Variants in UNC13C observed in about 807,000 individuals in gnomAD.
The protein encoded by UNC13C is unc-13 homolog C, also known as protein unc-13 homolog C.
Under a neutral mutation model 245.4 loss-of-function variants are expected in UNC13C, and 174 were observed. The ratio of observed to expected loss-of-function variants is 0.71; its 90% CI spans 0.63 to 0.80. The LOEUF (loss-of-function observed/expected upper bound fraction) is 0.80. UNC13C is among the 30% of genes least tolerant of loss of function. The pLI is 0.00. For missense variants in UNC13C, 2,829 were observed against 2,602.9 expected (o/e 1.09, Z -1.89); for synonymous variants, 992 against 895.1 (o/e 1.11, Z -1.93).
At chr15:54,194,478 G>T (rs1184262889) in intron 4 of UNC13C, among the ~76,000 whole-genome samples, 3 of 152,108 alleles carry the variant, frequency 2.0e-5, no homozygotes, top group Non-Finnish European at 4.4e-5. Context: ...AATATTAAAA[G>T]ACAGTGTTAA....
At chr15:54,304,938 A>G (rs1274525480) in intron 13 of UNC13C, among the ~76,000 whole-genome samples, 3 of 152,116 alleles carry the variant, frequency 2.0e-5, no homozygotes, top group Admixed American at 2.0e-4. Context: ...ATACAAAAAT[A>G]TACGTGTACT....
intron 4 of UNC13C, among the ~76,000 whole-genome samples, chr15:54,150,446 A>G (rs546971790): frequency 4.3e-4 from 65 of 152,364 alleles, no homozygotes; most frequent in African/African-American, 1.5e-3. Context: ...GTCCTCACGC[A>G]GAGCAAGCAC....
intron 10 of UNC13C, among the ~76,000 whole-genome samples, chr15:54,292,850 C>T (rs964878801): frequency 3.4e-5 from 5 of 149,102 alleles, no homozygotes; most frequent in African/African-American, 1.2e-4. Flanking sequence ...TGATCTCTTC[C>T]TCTCTCTATA....
In UNC13C at chr15:54,200,825, C is replaced by T. The variant is rs117398243; in HGVS notation, c.3072-34205C>T. On this transcript the variant is annotated intron_variant, in intron 4 of 32. Coordinates refer to ENST00000260323, the MANE Select transcript of UNC13C (RefSeq NM_001080534.3). ...AGAAAATACATAACAAAGATCAGAG[C>T]AGAACTAAATGAAACTGAAACAAAC... is the stretch of plus-strand genomic sequence containing the variant. Among the ~76,000 whole-genome samples the T allele has an allele frequency of 6.0e-3, 915 of 151,884 alleles. 52 individuals carry two copies. The East Asian group carries it at 0.11, about 18-fold the overall frequency.
intron 30 of UNC13C, among the ~76,000 whole-genome samples, chr15:54,597,160 T>C (rs1457307078): frequency 6.6e-6 from 1 of 152,168 alleles, no homozygotes; most frequent in East Asian, 1.9e-4. Flanking sequence ...AATCTAATGC[T>C]GGCTGTTGTG....
In UNC13C at chr15:54,605,479, G is replaced by A. The variant is rs150532111; in HGVS notation, c.6107-16848G>A. Among the ~76,000 whole-genome samples the A allele has an allele frequency of 5.2e-3, 787 of 152,198 alleles. 1 individual carries two copies. The highest frequency in any genetic ancestry group is 0.01 in the Middle Eastern group (3 of 294). Reference sequence around the variant, plus strand: ...GTCTTGCTTTGGAGCCCCCATACTTGTAGGTCTTAACCTTGGCTGCATATC... The same window carrying A: ...GTCTTGCTTTGGAGCCCCCATACTTATAGGTCTTAACCTTGGCTGCATATC... On this transcript the variant is annotated intron_variant, in intron 30 of 32. Coordinates refer to ENST00000260323, the MANE Select transcript of UNC13C (RefSeq NM_001080534.3).
chr15:54,367,649 C>A (rs1033866775), intron 17 of UNC13C, among the ~76,000 whole-genome samples: 1 of 152,122 alleles, frequency 6.6e-6, no homozygotes, highest in Non-Finnish European at 1.5e-5. Flanking sequence ...AATGATCCAA[C>A]AAATTATAGC....
At chr15:54,113,009 G>T (rs1241736564) in intron 2 of UNC13C, among the ~76,000 whole-genome samples, 2 of 152,120 alleles carry the variant, frequency 1.3e-5, no homozygotes, top group Non-Finnish European at 2.9e-5. Flanking sequence ...AGTAAATAGT[G>T]TTTTTCAGGT....
intron 2 of UNC13C, among the ~76,000 whole-genome samples, chr15:54,068,476 T>C (rs990249591): frequency 2.6e-5 from 4 of 152,162 alleles, no homozygotes; most frequent in African/African-American, 9.7e-5. Context: ...CACATCCATT[T>C]GTTTACATAT....
intron 19 of UNC13C, among the ~76,000 whole-genome samples, chr15:54,456,989 T>C (rs1891566618): frequency 6.6e-6 from 1 of 152,120 alleles, no homozygotes; most frequent in Non-Finnish European, 1.5e-5. Flanking sequence ...AACTTTTCCA[T>C]GTTCAGTATA....
chr15:53,960,921 T>C, the UNC13C span, among the ~76,000 whole-genome samples: 1 of 152,222 alleles, frequency 6.6e-6, no homozygotes, highest in Non-Finnish European at 1.5e-5. Context: ...TAAATTATTC[T>C]TAGGTAATGG....
chr15:54,621,859 G>C (rs1382382062), intron 30 of UNC13C, among the ~76,000 whole-genome samples: 1 of 152,072 alleles, frequency 6.6e-6, no homozygotes, highest in African/African-American at 2.4e-5. Flanking sequence ...ATAAATTGTT[G>C]TAATATATTT....
In UNC13C at chr15:54,143,607, C is replaced by G; in HGVS notation, c.3007-13C>G. 1.9e-6 allele frequency: 3 copies of G among 1,611,774 alleles called. No individual in the cohort carries two copies. Among genetic ancestry groups the G allele is most frequent in the Non-Finnish European group, 2.5e-6 (3 of 1,178,348 alleles). On this transcript the variant is annotated splice_polypyrimidine_tract_variant and intron_variant, in intron 3 of 32. Transcript: ENST00000260323. ...GCCTGTTTGTTTTGTTTTTCTCTTA[C>G]TCTTCATTTAAGGCTCGAATAGTAA...
intron 28 of UNC13C, among the ~76,000 whole-genome samples, chr15:54,550,657 C>T (rs1439633147): frequency 6.6e-6 from 1 of 152,130 alleles, no homozygotes; most frequent in African/African-American, 2.4e-5. Flanking sequence ...ACCAGTAATC[C>T]ATCTGGAAGA....
At chr15:54,260,288 A>C (rs1489104392) in intron 8 of UNC13C, among the ~76,000 whole-genome samples, 1 of 152,124 alleles carries the variant, frequency 6.6e-6, no homozygotes, top group Non-Finnish European at 1.5e-5. Context: ...ACTACAAATC[A>C]GGTTTGGGTT....
chr15:54,055,056 TA>T (rs1468749168), intron 2 of UNC13C, among the ~76,000 whole-genome samples: 1 of 152,184 alleles, frequency 6.6e-6, no homozygotes, highest in Non-Finnish European at 1.5e-5. Flanking sequence ...GGCATTATTA[TA>T]GGGGTCAAGC....
At chr15:54,444,362 A>G (rs189222965) in intron 19 of UNC13C, among the ~76,000 whole-genome samples, 17 of 150,004 alleles carry the variant, frequency 1.1e-4, no homozygotes, top group African/African-American at 4.3e-4. Flanking sequence ...ATATATATGT[A>G]TATGACATTT....
chr15:53,964,557 C>A, the UNC13C span, among the ~76,000 whole-genome samples: 1 of 152,056 alleles, frequency 6.6e-6, no homozygotes, highest in Non-Finnish European at 1.5e-5. Flanking sequence ...GTTGTAATGG[C>A]AAAAACTGCA....
At chr15:54,089,932 G>A (rs747309207) in intron 2 of UNC13C, among the ~76,000 whole-genome samples, 19 of 152,114 alleles carry the variant, frequency 1.2e-4, no homozygotes, top group South Asian at 4.1e-4. Context: ...GTGCTGCTTC[G>A]GTCCTCAGTG....
Sources: allele counts gnomAD v4.1 joint callset (sites outside exome capture counted in the v4.1 genomes callset), GRCh38; gene constraint gnomAD v4.1.1; transcripts MANE v1.5; gene names NCBI Gene and HGNC (gene_info 2026-07-23, HGNC 2026-07-21).